Variants in RNFT1 observed in about 807,000 individuals in gnomAD.
RNFT1 encodes the protein E3 ubiquitin-protein ligase RNFT1.
In RNFT1, 35 loss-of-function variants were observed where a neutral mutation model predicts 53.2. The observed-to-expected ratio is 0.66, with a 90% CI of 0.50 to 0.87. The LOEUF (loss-of-function observed/expected upper bound fraction) is 0.87. RNFT1 is among the 40% of genes least tolerant of loss of function. The probability of loss-of-function intolerance (pLI) is 0.00; values close to 1 mark genes in which losing one functional copy is unlikely to be tolerated. For missense variants in RNFT1, 421 were observed against 515.0 expected (o/e 0.82, Z 1.77); for synonymous variants, 141 against 172.8 (o/e 0.82, Z 1.44).
At position 59,956,355 on chromosome 17, in the gene RNFT1, C is replaced by T. The variant is rs1482446849; in HGVS notation, c.1071+133G>A. 7.6e-6 allele frequency: 5 copies of T among 659,506 alleles called. No individual in the cohort carries two copies. In the African/African-American group the frequency reaches 9.3e-5, roughly 12 times the overall value. The allele number at this position is 659,506 out of a possible 1,614,324, so 40.9% of individuals were successfully genotyped here. A position where few individuals can be genotyped will look rare whatever the true frequency, so the allele number is the denominator to read the frequency against. ...TATTATAGCCCCAAGTGCCAAAGTA[C>T]TAGAAAATAATCAAAGTAAAAGAAA... On this transcript the variant is annotated intron_variant, in intron 7 of 8. Transcript: ENST00000305783.
chr17:59,961,387 A>G (rs1223392611), intron 3 of RNFT1, among the ~76,000 whole-genome samples: 5 of 152,064 alleles, frequency 3.3e-5, no homozygotes. Context: ...CTAATTTTAA[A>G]TCATTAAGAT....
At chr17:59,960,807 C>T (rs1337806013) in intron 3 of RNFT1, among the ~76,000 whole-genome samples, 3 of 151,620 alleles carry the variant, frequency 2.0e-5, no homozygotes, top group African/African-American at 4.8e-5. Flanking sequence ...AGCAAAACAC[C>T]GTCTCAGAAA....
chr17:59,952,459 G>A lies in RNFT1; in HGVS notation c.*518C>T, dbSNP rs1233697828. ...TCCTCAGTAAATTAATCTTCACTTA[G>A]AAAATGTTACTGATAAAATACAACA... On this transcript the variant is annotated 3_prime_UTR_variant, in exon 9 of 9. Transcript: ENST00000305783. 2 of 152,076 alleles carry A rather than the reference G, an allele frequency of 1.3e-5. No individual in the cohort carries two copies. The highest frequency in any genetic ancestry group is 4.8e-5 in the African/African-American group (2 of 41,338). The allele number at this position is 152,076 out of a possible 1,614,324, so 9.4% of individuals were successfully genotyped here.
At chr17:59,955,532 G>A (rs1417452673) in intron 7 of RNFT1, among the ~76,000 whole-genome samples, 1 of 152,154 alleles carries the variant, frequency 6.6e-6, no homozygotes, top group Non-Finnish European at 1.5e-5. Context: ...ACCAATTATA[G>A]TAAAATGGTT....
intron 2 of RNFT1, 79 bp downstream of exon 2, chr17:59,962,748 A>C: frequency 7.3e-7 from 1 of 1,369,776 alleles, no homozygotes; most frequent in Non-Finnish European, 1.0e-6. Flanking sequence ...AACTGGATGC[A>C]TTAAGTAGAT....
In RNFT1 at chr17:59,958,286, C is replaced by T. The variant is rs751312343; in HGVS notation, c.846+5G>A. Reference sequence around the variant, plus strand: ...ACTCCAATAAAGCATAAGTGAGTTTCTTACCTTAGATTTAAAAGGCATGAT... The same window carrying T: ...ACTCCAATAAAGCATAAGTGAGTTTTTTACCTTAGATTTAAAAGGCATGAT... On this transcript the variant is annotated splice_donor_5th_base_variant and intron_variant, in intron 5 of 8. Coordinates refer to ENST00000305783, the MANE Select transcript of RNFT1 (RefSeq NM_016125.4). 1 of 1,587,310 alleles carries T rather than the reference C, an allele frequency of 6.3e-7. No homozygotes were observed. Among genetic ancestry groups the T allele is most frequent in the Non-Finnish European group, 8.5e-7 (1 of 1,174,006 alleles).
At chr17:59,964,176 G>A (rs917528352) in intron 1 of RNFT1, among the ~76,000 whole-genome samples, 2 of 152,176 alleles carry the variant, frequency 1.3e-5, no homozygotes, top group African/African-American at 4.8e-5. Context: ...CCACACTGCC[G>A]TGCTTTTCCC....
chr17:59,958,200 C>T, intron 5 of RNFT1, 91 bp downstream of exon 5: 1 of 1,336,224 alleles, frequency 7.5e-7, no homozygotes, highest in Non-Finnish European at 1.0e-6. Context: ...AACTGAAAAA[C>T]TGCAAAAGGA....
rs1195736446 is a variant in RNFT1 at position 59,952,703 on chromosome 17, TAAAG to T, written c.*270_*273del. 18 of 233,842 alleles carry T rather than the reference TAAAG, an allele frequency of 7.7e-5. No individual in the cohort carries two copies. Among genetic ancestry groups the T allele is most frequent in the South Asian group, 3.2e-4 (2 of 6,258 alleles). The allele number at this position is 233,842 out of a possible 1,614,324, so 14.5% of individuals were successfully genotyped here. ...ATTTCAAATTGCTGTTTTGGTAACATAAAGAAAACACATTTACAATTTAACACTG... is the reference window on the plus strand; with the variant it reads ...ATTTCAAATTGCTGTTTTGGTAACATAAAACACATTTACAATTTAACACTG... On this transcript the variant is annotated 3_prime_UTR_variant, in exon 9 of 9. Coordinates refer to ENST00000305783, the MANE Select transcript of RNFT1 (RefSeq NM_016125.4).
In RNFT1 at chr17:59,952,423, ATAATG is replaced by A. The variant is rs1210941734; in HGVS notation, c.*549_*553del. On this transcript the variant is annotated 3_prime_UTR_variant, in exon 9 of 9. Transcript: ENST00000305783. The stretch of plus-strand genomic sequence containing the variant: ...TTACTACAGAGAATAATACAATACT[ATAATG>A]TATCATCCTCAGTAAATTAATCTTC... 2.0e-5 allele frequency: 3 copies of A among 152,324 alleles called. No individual in the cohort carries two copies. The highest frequency in any genetic ancestry group is 1.5e-5 in the Non-Finnish European group (1 of 68,118). The allele number at this position is 152,324 out of a possible 1,614,324, so 9.4% of individuals were successfully genotyped here.
intron 3 of RNFT1, among the ~76,000 whole-genome samples, chr17:59,960,639 G>A (rs2045284441): frequency 6.6e-6 from 1 of 151,676 alleles, no homozygotes; most frequent in South Asian, 2.1e-4. Context: ...GGTGAAACCT[G>A]TCTCTACTAA....
chr17:59,963,620 G>A (rs2045311881), intron 1 of RNFT1, among the ~76,000 whole-genome samples: 1 of 152,110 alleles, frequency 6.6e-6, no homozygotes, highest in African/African-American at 2.4e-5. Context: ...GGGTACTCTG[G>A]TACATTTACT....
chr17:59,953,624 C>T (rs2045235668), intron 8 of RNFT1, among the ~76,000 whole-genome samples: 1 of 152,150 alleles, frequency 6.6e-6, no homozygotes, highest in Admixed American at 6.5e-5. Flanking sequence ...CTGGCTGTAC[C>T]ATCCATTTAA....
At chr17:59,957,475 C>A (rs1026641887) in intron 5 of RNFT1, 93 bp from the exon 6 acceptor site, 3 of 771,118 alleles carry the variant, frequency 3.9e-6, no homozygotes, top group South Asian at 2.4e-5. Flanking sequence ...GTATATTATA[C>A]AATAATATAA....
At chr17:59,953,882 A>G (rs1215322953) in intron 8 of RNFT1, 163 bp downstream of exon 8, 15 of 504,320 alleles carry the variant, frequency 3.0e-5, no homozygotes, top group Middle Eastern at 5.3e-4. Flanking sequence ...TTATCAGAAC[A>G]TAAGGGACAA....
chr17:59,959,709 CAGG>C (rs1461937776), intron 4 of RNFT1: 1 of 155,552 alleles, frequency 6.4e-6, no homozygotes, highest in African/African-American at 2.4e-5. Flanking sequence ...ATCACGAGGT[CAGG>C]AGGTCTGACC....
At chr17:59,960,220 A>G (rs1174824506) in intron 3 of RNFT1, 52 bp from the exon 4 acceptor site, 2 of 1,560,162 alleles carry the variant, frequency 1.3e-6, no homozygotes, top group East Asian at 2.3e-5. Context: ...AGAATTTTAA[A>G]TATCATTAAA....
intron 3 of RNFT1, chr17:59,962,296 T>A (rs891787080): frequency 3.9e-5 from 15 of 386,504 alleles, no homozygotes; most frequent in Admixed American, 8.4e-5. Context: ...CTTTTAATCC[T>A]TTTTACTACT....
chr17:59,960,437 C>CAA (rs11406596), intron 3 of RNFT1, among the ~76,000 whole-genome samples: 1,106 of 67,434 alleles, frequency 0.016, 21 homozygotes, highest in African/African-American at 0.024. Flanking sequence ...AGTCTTCTCT[C>CAA]AAAAAAAAAA....
Sources: gnomAD v4.1 joint callset for allele counts (sites outside exome capture counted in the v4.1 genomes callset) on GRCh38, gnomAD v4.1.1 for gene constraint, MANE v1.5 for transcripts, NCBI Gene and HGNC (gene_info 2026-07-23, HGNC 2026-07-21) for gene names.